Variants in SLC16A14 observed in about 807,000 individuals in gnomAD.
The protein encoded by SLC16A14 is monocarboxylate transporter 14.
In SLC16A14, 14 loss-of-function variants were observed where a neutral mutation model predicts 35.8. The observed-to-expected ratio is 0.39, with a 90% CI of 0.26 to 0.61. The LOEUF (loss-of-function observed/expected upper bound fraction) is 0.61. SLC16A14 is among the 20% of genes least tolerant of loss of function. SLC16A14 has a pLI of 0.51. For missense variants in SLC16A14, 533 were observed against 655.0 expected (o/e 0.81, Z 2.03); for synonymous variants, 248 against 258.9 (o/e 0.96, Z 0.40).
At chr2:230,045,559 T>TG (rs1246408119) in intron 4 of SLC16A14, 186 bp downstream of exon 4, 10 of 689,450 alleles carry the variant, frequency 1.5e-5, no homozygotes, top group African/African-American at 1.1e-4. Flanking sequence ...GACTCCGTCT[T>TG]GAAAAAAAAA....
rs1161359094 is a variant in SLC16A14, at chr2:230,044,734, G to GTA, written c.1381+1010_1381+1011insTA. On this transcript the variant is annotated intron_variant, in intron 4 of 4. Transcript: ENST00000295190. ...TGTGTGTGTGTGTGTGTGTGTGTGT[G>GTA]TGTATGTGTGTGTGTGTGTGTGTGT... Among the ~76,000 whole-genome samples, 347 of 99,036 alleles carry GTA rather than the reference G, an allele frequency of 3.5e-3. 1 individual carries two copies. The highest frequency in any genetic ancestry group is 0.019 in the Middle Eastern group (4 of 210). The allele number at this position is 99,036 out of a possible 152,430, so 65.0% of individuals were successfully genotyped here.
In SLC16A14 at chr2:230,046,322, G is replaced by T. The variant is rs763418547; in HGVS notation, c.804C>A (p.Pro268=). The change falls in exon 4 of 5, where the codon CCC becomes CCA. Residue 268 remains proline, a synonymous_variant. Coordinates refer to ENST00000295190, the MANE Select transcript of SLC16A14 (RefSeq NM_152527.5). This position sits in a 1 kb window ranked among gnomAD's most constrained non-coding sequence, Gnocchi z 5.0. ...TGTTCTTCCTGTGCCCGGCCTGATC[G>T]GGGCACTCCTGGGCTTGCAGGTCGC... ...TLCDLQAQEC[P]DQAGHRKNMC... is the part of the protein sequence containing the mutation. The T allele has an allele frequency of 1.2e-6, 2 of 1,614,082 alleles. No homozygotes were observed. Among genetic ancestry groups the T allele is most frequent in the Non-Finnish European group, 1.7e-6 (2 of 1,180,000 alleles).
chr2:230,045,059 A>G (rs2077592842), intron 4 of SLC16A14, among the ~76,000 whole-genome samples: 1 of 152,196 alleles, frequency 6.6e-6, no homozygotes, highest in African/African-American at 2.4e-5. Context: ...GGGGGAAACA[A>G]CAACAGAAGA....
intron 3 of SLC16A14, among the ~76,000 whole-genome samples, chr2:230,047,397 G>A (rs1015745399): frequency 1.3e-4 from 19 of 143,896 alleles, no homozygotes; most frequent in African/African-American, 4.9e-4. Flanking sequence ...TTGCGTCCTC[G>A]AACTCCCCAG....
chr2:230,049,806 C>T lies in SLC16A14; in HGVS notation c.358G>A (p.Ala120Thr). 6.2e-7 allele frequency: 1 copy of T among 1,614,194 alleles called. No individual in the cohort carries two copies. The highest frequency in any genetic ancestry group is 2.2e-5 in the East Asian group (1 of 44,888). ...NSLGWVLSAYAANVHYLFITF... is the reference protein window; with the variant it reads ...NSLGWVLSAYTANVHYLFITF... ...ATGAAGAGATAATGCACGTTTGCAG[C>T]ATAGGCACTCAACACCCAGCCCAGG... Residue 120 changes from alanine to threonine, a missense_variant, in exon 3 of 5, where the codon GCT (alanine) becomes ACT (threonine). Transcript: ENST00000295190.
chr2:230,045,642 G>C (rs1242190566), intron 4 of SLC16A14, 103 bp downstream of exon 4: 1 of 1,316,006 alleles, frequency 7.6e-7, no homozygotes, highest in African/African-American at 1.5e-5. Context: ...AAGATAAAAG[G>C]AAAATGTACA....
At chr2:230,065,700 A>G (rs2077789782) in intron 1 of SLC16A14, among the ~76,000 whole-genome samples, 1 of 152,226 alleles carries the variant, frequency 6.6e-6, no homozygotes, top group Non-Finnish European at 1.5e-5. Flanking sequence ...TAATGAAAAC[A>G]AAAGACAACA....
chr2:230,064,673 A>T (rs534572786), intron 1 of SLC16A14, among the ~76,000 whole-genome samples: 1 of 152,336 alleles, frequency 6.6e-6, no homozygotes, highest in African/African-American at 2.4e-5. Flanking sequence ...CCTGAAGTTC[A>T]TTTACAACCA....
In SLC16A14 at chr2:230,056,027, C is replaced by T. The variant is rs114818980; in HGVS notation, c.259+3067G>A. Reference sequence around the variant, plus strand: ...GACAAACAGTCCTAGTTTAACAAAACAATGCAGATTTGAAGAAGTCAGTTC... The same window carrying T: ...GACAAACAGTCCTAGTTTAACAAAATAATGCAGATTTGAAGAAGTCAGTTC... On this transcript the variant is annotated intron_variant, in intron 2 of 4. Coordinates refer to ENST00000295190, the MANE Select transcript of SLC16A14 (RefSeq NM_152527.5). Among the ~76,000 whole-genome samples the T allele has an allele frequency of 8.8e-3, 1,334 of 152,254 alleles. 14 individuals carry two copies. Among genetic ancestry groups the T allele is most frequent in the Non-Finnish European group, 9.7e-3 (660 of 68,006 alleles).
At position 230,036,600 on chromosome 2, in the gene SLC16A14, C is replaced by T. The variant is rs1262410515; in HGVS notation, c.*780G>A. ...TATATCATCTAAGAGGCCAATGATACGAATAAAAGTGCTTGAATTGTAGCC... is the reference window on the plus strand; with the variant it reads ...TATATCATCTAAGAGGCCAATGATATGAATAAAAGTGCTTGAATTGTAGCC... On this transcript the variant is annotated 3_prime_UTR_variant, in exon 5 of 5. Transcript: ENST00000295190. The T allele has an allele frequency of 2.0e-5, 3 of 152,144 alleles. No homozygotes were observed. Among genetic ancestry groups the T allele is most frequent in the Non-Finnish European group, 4.4e-5 (3 of 68,018 alleles). The allele number at this position is 152,144 out of a possible 1,614,324, so 9.4% of individuals were successfully genotyped here. A position where few individuals can be genotyped will look rare whatever the true frequency, so the allele number is the denominator to read the frequency against.
intron 2 of SLC16A14, among the ~76,000 whole-genome samples, chr2:230,052,963 CAG>C (rs1218301073): frequency 2.0e-5 from 3 of 151,264 alleles, no homozygotes; most frequent in Non-Finnish European, 4.4e-5. Context: ...TTTTTTGAGA[CAG>C]AGTTTCACGC....
At position 230,036,046 on chromosome 2, in the gene SLC16A14, G is replaced by A. The variant is rs1285749967; in HGVS notation, c.*1334C>T. On this transcript the variant is annotated 3_prime_UTR_variant, in exon 5 of 5. Coordinates refer to ENST00000295190, the MANE Select transcript of SLC16A14 (RefSeq NM_152527.5). The stretch of plus-strand genomic sequence containing the variant: ...TAGGTAAATTTGACCTAAGACACTG[G>A]CAATGATATTCAAGGATTTGTGTGT... 1 of 152,538 alleles carries A rather than the reference G, an allele frequency of 6.6e-6. No individual in the cohort carries two copies. The highest frequency in any genetic ancestry group is 1.9e-4 in the East Asian group (1 of 5,194). The allele number at this position is 152,538 out of a possible 1,614,324, so 9.4% of individuals were successfully genotyped here.
chr2:230,046,731 GC>G lies in SLC16A14; in HGVS notation c.404-10del. 1.3e-6 allele frequency: 2 copies of G among 1,580,510 alleles called. No homozygotes were observed. The highest frequency in any genetic ancestry group is 1.7e-6 in the Non-Finnish European group (2 of 1,169,126). ...CATCCCGCTGCCCAGGCCTGTACAGGCCGACGGGGGGAAGAAAAGACACAGT... is the reference window on the plus strand; with the variant it reads ...CATCCCGCTGCCCAGGCCTGTACAGGCGACGGGGGGAAGAAAAGACACAGT... On this transcript the variant is annotated splice_polypyrimidine_tract_variant and intron_variant, in intron 3 of 4. Transcript: ENST00000295190. This position sits in a 1 kb window ranked among gnomAD's most constrained non-coding sequence, Gnocchi z 5.0.
chr2:230,045,620 G>C (rs769149904), intron 4 of SLC16A14, 125 bp downstream of exon 4: 2 of 1,026,070 alleles, frequency 1.9e-6, no homozygotes, highest in Admixed American at 4.5e-5. Context: ...GAAAGTAAAG[G>C]GCAGGAATGG....
In SLC16A14 at chr2:230,035,693, G is replaced by T. The variant is rs991247806; in HGVS notation, c.*1687C>A. 1.6e-4 allele frequency: 24 copies of T among 152,116 alleles called. No homozygotes were observed. Among genetic ancestry groups the T allele is most frequent in the South Asian group, 6.2e-4 (3 of 4,820 alleles). The allele number at this position is 152,116 out of a possible 1,614,324, so 9.4% of individuals were successfully genotyped here. On this transcript the variant is annotated 3_prime_UTR_variant, in exon 5 of 5. Coordinates refer to ENST00000295190, the MANE Select transcript of SLC16A14 (RefSeq NM_152527.5). Reference sequence around the variant, plus strand: ...AATCTATTGTCTATAATAATTTACAGGCAATTCCCGAGTCATTGGAGGTAA... The same window carrying T: ...AATCTATTGTCTATAATAATTTACATGCAATTCCCGAGTCATTGGAGGTAA...
At position 230,059,243 on chromosome 2, in the gene SLC16A14, AC is replaced by A. The variant is rs754144012; in HGVS notation, c.109del (p.Val37CysfsTer35). 8 of 1,614,212 alleles carry A rather than the reference AC, an allele frequency of 5.0e-6. No homozygotes were observed. In the South Asian group the frequency reaches 8.8e-5, roughly 18 times the overall value. ...GATGTGCACAAAGAAAGAGGAGAGCACCATCATCCAAGCCCATCCGCCATCA... is the reference window on the plus strand; with the variant it reads ...GATGTGCACAAAGAAAGAGGAGAGCACATCATCCAAGCCCATCCGCCATCA... ...NIDGGWAWMM[V>X]LSSFFVHILI... is the part of the protein sequence containing the mutation. On this transcript the variant is annotated frameshift_variant, in exon 2 of 5. Transcript: ENST00000295190. LOFTEE classifies it high-confidence loss of function.
intron 2 of SLC16A14, among the ~76,000 whole-genome samples, chr2:230,055,711 A>G (rs1482410991): frequency 6.6e-6 from 1 of 152,236 alleles, no homozygotes; most frequent in Admixed American, 6.5e-5. Context: ...TATGAAACAT[A>G]ATATCTAAGA....
chr2:230,038,028 A>C lies in SLC16A14; in HGVS notation c.1382-497T>G, dbSNP rs1337917212. 6.6e-6 allele frequency among the ~76,000 whole-genome samples: 1 copy of C among 152,252 alleles called. No individual in the cohort carries two copies. Among genetic ancestry groups the C allele is most frequent in the African/African-American group, 2.4e-5 (1 of 41,470 alleles). ...TTTGAACTTTCTTCATTCATTCTGA[A>C]GTATTTGAGGGTACACATTTGTTCT... On this transcript the variant is annotated intron_variant, in intron 4 of 4. Transcript: ENST00000295190. This position sits in a 1 kb window ranked among gnomAD's most constrained non-coding sequence, Gnocchi z 4.4.
intron 1 of SLC16A14, among the ~76,000 whole-genome samples, chr2:230,062,518 T>A (rs2077759528): frequency 6.6e-6 from 1 of 152,024 alleles, no homozygotes; most frequent in African/African-American, 2.4e-5. Context: ...CTGGCTAATT[T>A]AAAAATTTCT....
Sources: gnomAD v4.1 joint callset for allele counts (sites outside exome capture counted in the v4.1 genomes callset) on GRCh38, gnomAD v4.1.1 for gene constraint, Gnocchi (gnomAD v3.1) non-coding constraint, MANE v1.5 for transcripts, NCBI Gene and HGNC (gene_info 2026-07-23, HGNC 2026-07-21) for gene names.